The following NT5DC1 variants were observed in gnomAD, a reference collection of about 807,000 sequenced individuals.
NT5DC1 encodes the protein 5'-nucleotidase domain containing 1, also known as 5'-nucleotidase domain-containing protein 1.
In NT5DC1, 42 loss-of-function variants were observed where a neutral mutation model predicts 59.4. That is an observed-to-expected ratio of 0.71 (90% confidence interval 0.55 to 0.92). The LOEUF (loss-of-function observed/expected upper bound fraction) is 0.92, where lower values mean the gene tolerates loss of function less well. NT5DC1 is among the 40% of genes least tolerant of loss of function. NT5DC1 has a pLI of 0.00. For missense variants in NT5DC1, 501 were observed against 537.1 expected (o/e 0.93, Z 0.66); for synonymous variants, 172 against 188.1 (o/e 0.91, Z 0.70).
At chr6:116,111,053 C>A in intron 4 of NT5DC1, 97 bp downstream of exon 4, 1 of 801,864 alleles carries the variant, frequency 1.2e-6, no homozygotes, top group South Asian at 1.6e-5. Flanking sequence ...CTTTCCCCTG[C>A]TGGGCAGGAT....
chr6:116,229,683 G>A (rs1317363741), intron 8 of NT5DC1, among the ~76,000 whole-genome samples: 1 of 152,162 alleles, frequency 6.6e-6, no homozygotes, highest in African/African-American at 2.4e-5. Context: ...AATTATCATT[G>A]GAGAGGGAAC....
In NT5DC1 at chr6:116,111,054, T is replaced by C. The variant is rs1288592682; in HGVS notation, c.364+98T>C. On this transcript the variant is annotated intron_variant, in intron 4 of 11. Transcript: ENST00000319550. ...CAAAGAAGACCCCCCTTTCCCCTGCTGGGCAGGATGCCAAAGGGAGCAGCT... is the reference window on the plus strand; with the variant it reads ...CAAAGAAGACCCCCCTTTCCCCTGCCGGGCAGGATGCCAAAGGGAGCAGCT... The C allele has an allele frequency of 5.1e-6, 4 of 780,276 alleles. No homozygotes were observed. In the Admixed American group the frequency reaches 9.5e-5, roughly 18 times the overall value. The allele number at this position is 780,276 out of a possible 1,614,324, so 48.3% of individuals were successfully genotyped here.
In NT5DC1 at chr6:116,106,673, G is replaced by A. The variant is rs927498620; in HGVS notation, c.185+338G>A. On this transcript the variant is annotated intron_variant, in intron 2 of 11. Transcript: ENST00000319550. ...TTTGCATCTTTAAGAAAAAGGTTTG[G>A]TTTACTATCTTTTAAGAACTATAAG... 2.6e-5 allele frequency among the ~76,000 whole-genome samples: 4 copies of A among 152,136 alleles called. No individual in the cohort carries two copies. The East Asian group carries it at 7.7e-4, about 29-fold the overall frequency.
intron 6 of NT5DC1, among the ~76,000 whole-genome samples, chr6:116,200,111 A>G (rs925536307): frequency 6.6e-6 from 1 of 152,000 alleles, no homozygotes. Flanking sequence ...TTAATATAAC[A>G]TGAGAGTGGC....
At chr6:116,110,096 G>A (rs1299894341) in intron 3 of NT5DC1, among the ~76,000 whole-genome samples, 4 of 152,112 alleles carry the variant, frequency 2.6e-5, no homozygotes, top group South Asian at 2.1e-4. Flanking sequence ...TAAAACTTAC[G>A]AATTGTTTGT....
chr6:116,221,507 A>C (rs1322352395), intron 7 of NT5DC1, among the ~76,000 whole-genome samples: 1 of 152,148 alleles, frequency 6.6e-6, no homozygotes, highest in Non-Finnish European at 1.5e-5. Flanking sequence ...TATATCCTTC[A>C]GTTTTCCATG....
chr6:116,178,314 T>C (rs1332228321), intron 6 of NT5DC1, among the ~76,000 whole-genome samples: 1 of 152,142 alleles, frequency 6.6e-6, no homozygotes, highest in Non-Finnish European at 1.5e-5. Flanking sequence ...ATTGGGCGCA[T>C]TCAGGGTGGT....
chr6:116,203,158 A>G (rs1462589256), intron 6 of NT5DC1, among the ~76,000 whole-genome samples: 1 of 152,004 alleles, frequency 6.6e-6, no homozygotes, highest in Non-Finnish European at 1.5e-5. Context: ...TTGCTTTTCT[A>G]TACTAAACAG....
intron 6 of NT5DC1, among the ~76,000 whole-genome samples, chr6:116,139,517 T>C (rs1158512859): frequency 6.6e-6 from 1 of 152,164 alleles, no homozygotes; most frequent in African/African-American, 2.4e-5. Context: ...TGTAATGATA[T>C]TGAACTGCAT....
At chr6:116,101,335 G>T (rs1303389911) in intron 1 of NT5DC1, among the ~76,000 whole-genome samples, 1 of 152,212 alleles carries the variant, frequency 6.6e-6, no homozygotes, top group Non-Finnish European at 1.5e-5. Context: ...AGGAGGGGCG[G>T]GGTCAGGGGG....
chr6:116,167,397 A>G (rs1450849413), intron 6 of NT5DC1, among the ~76,000 whole-genome samples: 26 of 151,904 alleles, frequency 1.7e-4, no homozygotes. Flanking sequence ...TATTTTTAGT[A>G]GATACAGTGT....
At chr6:116,164,234 G>A (rs1198183013) in intron 6 of NT5DC1, among the ~76,000 whole-genome samples, 1 of 152,064 alleles carries the variant, frequency 6.6e-6, no homozygotes, top group Admixed American at 6.6e-5. Context: ...TATTTTCTTA[G>A]GTGTAGTAGT....
chr6:116,163,135 A>T (rs1190196389), intron 6 of NT5DC1, among the ~76,000 whole-genome samples: 4 of 98,572 alleles, frequency 4.1e-5, no homozygotes, highest in Admixed American at 1.9e-4. Flanking sequence ...TCAAAAAAAA[A>T]AAAAAAATAT....
chr6:116,171,740 C>T (rs1457851509), intron 6 of NT5DC1, among the ~76,000 whole-genome samples: 2 of 151,986 alleles, frequency 1.3e-5, no homozygotes, highest in African/African-American at 4.8e-5. Flanking sequence ...CGGTTTTCTC[C>T]CATGGTAAGA....
rs1781892827 is a variant in NT5DC1 at position 116,225,642 on chromosome 6, G to A, written c.802+2511G>A. Among the ~76,000 whole-genome samples, 5 of 152,272 alleles carry A rather than the reference G, an allele frequency of 3.3e-5. No individual in the cohort carries two copies. The South Asian group carries it at 8.3e-4, about 25-fold the overall frequency. ...AGTGAACAGTTGCCATAGAGTGGTG[G>A]GATAGAAACTAAATTGCAGTATCTT... On this transcript the variant is annotated intron_variant, in intron 8 of 11. Transcript: ENST00000319550.
rs1020166921 is a variant in NT5DC1 at position 116,246,719 on chromosome 6, G to A, written c.*2695G>A. ...CTATCATAAGAGTTAGTTCCAGATT[G>A]GTGCAAGACTGGAATACACTTGACT... is the stretch of plus-strand genomic sequence containing the variant. On this transcript the variant is annotated 3_prime_UTR_variant, in exon 12 of 12. Transcript: ENST00000319550. 2 of 152,098 alleles carry A rather than the reference G, an allele frequency of 1.3e-5. No homozygotes were observed. Among genetic ancestry groups the A allele is most frequent in the Non-Finnish European group, 2.9e-5 (2 of 67,986 alleles). The allele number at this position is 152,098 out of a possible 1,614,324, so 9.4% of individuals were successfully genotyped here.
intron 6 of NT5DC1, among the ~76,000 whole-genome samples, chr6:116,129,469 A>G (rs1217687692): frequency 6.6e-6 from 1 of 152,142 alleles, no homozygotes; most frequent in African/African-American, 2.4e-5. Context: ...TAAATGGATT[A>G]ATGTTATTGT....
intron 4 of NT5DC1, among the ~76,000 whole-genome samples, chr6:116,114,754 C>T (rs1269179272): frequency 6.6e-6 from 1 of 152,116 alleles, no homozygotes; most frequent in Non-Finnish European, 1.5e-5. Context: ...ATGGAAGGAA[C>T]AATGGTTGCT....
chr6:116,202,904 A>G (rs1011157037), intron 6 of NT5DC1, among the ~76,000 whole-genome samples: 1 of 152,044 alleles, frequency 6.6e-6, no homozygotes, highest in African/African-American at 2.4e-5. Context: ...TACAAAGGCA[A>G]CAAATATTAC....
Sources: gnomAD v4.1 joint callset for allele counts (sites outside exome capture counted in the v4.1 genomes callset) on GRCh38, gnomAD v4.1.1 for gene constraint, MANE v1.5 for transcripts, NCBI Gene and HGNC (gene_info 2026-07-23, HGNC 2026-07-21) for gene names.